The following RTN1 variants were observed in gnomAD, a reference collection of about 807,000 sequenced individuals.
RTN1 encodes the protein reticulon-1.
RTN1 carries 25 observed loss-of-function variants against 65.5 expected under a neutral mutation model. That is an observed-to-expected ratio of 0.38 (90% CI 0.28 to 0.53). RTN1 has a LOEUF of 0.53. RTN1 is among the 20% of genes least tolerant of loss of function. The pLI is 0.79. For missense variants in RTN1, 983 were observed against 1,025.4 expected (o/e 0.96, Z 0.57); for synonymous variants, 471 against 447.6 (o/e 1.05, Z -0.66).
chr14:59,805,941 C>T (rs760621882), intron 1 of RTN1, among the ~76,000 whole-genome samples: 9 of 152,040 alleles, frequency 5.9e-5, no homozygotes, highest in Non-Finnish European at 1.2e-4. Flanking sequence ...GAATTGCAAA[C>T]ATAAATAATT....
intron 1 of RTN1, among the ~76,000 whole-genome samples, chr14:59,863,082 T>C (rs554951299): frequency 1.3e-5 from 2 of 152,256 alleles, no homozygotes; most frequent in East Asian, 3.9e-4. Flanking sequence ...GCTGGATCCA[T>C]CCCTGCTTAC....
rs1566713422 is a variant in RTN1 at position 59,750,240 on chromosome 14, T to TATATCTATAATATATTATATATATA, written c.242-3760_242-3759insTATATATATAATATATTATAGATAT. Among the ~76,000 whole-genome samples, 63 of 44,404 alleles carry TATATCTATAATATATTATATATATA rather than the reference T, an allele frequency of 1.4e-3. 6 individuals are homozygous for TATATCTATAATATATTATATATATA. The highest frequency in any genetic ancestry group is 5.3e-3 in the Admixed American group (11 of 2,064). 29.1% of individuals were successfully genotyped at this position (44,404 alleles called of 152,430 possible). ...TATATTATATCTATAATATATATAT[T>TATATCTATAATATATTATATATATA]ATATCTATAATATATAATATATATA... On this transcript the variant is annotated intron_variant, in intron 1 of 8. Coordinates refer to ENST00000267484, the MANE Select transcript of RTN1 (RefSeq NM_021136.3).
intron 1 of RTN1, among the ~76,000 whole-genome samples, chr14:59,841,704 T>TA (rs71451082): frequency 0.051 from 5,158 of 101,654 alleles, 312 homozygotes; most frequent in African/African-American, 0.17. Flanking sequence ...GAGACTCCAT[T>TA]AAAAAAAAAA....
chr14:59,602,610 T>C (rs1395251251), intron 8 of RTN1, among the ~76,000 whole-genome samples: 1 of 152,172 alleles, frequency 6.6e-6, no homozygotes, highest in African/African-American at 2.4e-5. Flanking sequence ...ATTTTATGTA[T>C]TTTAAAGTTC....
chr14:59,703,958 A>G (rs893835350), intron 3 of RTN1, among the ~76,000 whole-genome samples: 1 of 152,198 alleles, frequency 6.6e-6, no homozygotes, highest in Non-Finnish European at 1.5e-5. Context: ...AAGCTCCTGG[A>G]AAAACAAAGG....
intron 1 of RTN1, among the ~76,000 whole-genome samples, chr14:59,775,036 A>G (rs1180313636): frequency 6.6e-6 from 1 of 152,148 alleles, no homozygotes; most frequent in Non-Finnish European, 1.5e-5. Flanking sequence ...ATAAGGTATT[A>G]CCGGGATGTA....
intron 1 of RTN1, among the ~76,000 whole-genome samples, chr14:59,801,873 C>T (rs1294423810): frequency 6.6e-6 from 1 of 152,190 alleles, no homozygotes; most frequent in Admixed American, 6.5e-5. Context: ...ATGTAAAAAT[C>T]TGTGTTCGTG....
At chr14:59,636,698 C>A (rs1401198127) in intron 3 of RTN1, among the ~76,000 whole-genome samples, 1 of 152,146 alleles carries the variant, frequency 6.6e-6, no homozygotes, top group Non-Finnish European at 1.5e-5. Context: ...CTGTTTGAGA[C>A]CACTACAATG....
chr14:59,866,052 T>C (rs1887792799), intron 1 of RTN1, among the ~76,000 whole-genome samples: 1 of 152,122 alleles, frequency 6.6e-6, no homozygotes, highest in Non-Finnish European at 1.5e-5. Flanking sequence ...CTTGTGCCCA[T>C]GGGGTTAGAT....
chr14:59,728,835 C>T (rs967453231), intron 2 of RTN1, among the ~76,000 whole-genome samples: 3 of 151,894 alleles, frequency 2.0e-5, no homozygotes, highest in Non-Finnish European at 4.4e-5. Flanking sequence ...TGTGTTAGGC[C>T]CTTTTCTACA....
intron 1 of RTN1, among the ~76,000 whole-genome samples, chr14:59,806,271 T>G (rs1214228788): frequency 6.6e-6 from 1 of 151,084 alleles, no homozygotes; most frequent in African/African-American, 2.4e-5. Context: ...ATTATATATA[T>G]TTGACTTAAT....
At chr14:59,736,586 C>T (rs1266784781) in intron 2 of RTN1, among the ~76,000 whole-genome samples, 1 of 152,152 alleles carries the variant, frequency 6.6e-6, no homozygotes, top group South Asian at 2.1e-4. Context: ...CAGCTGAATT[C>T]TACCAGAGGT....
intron 3 of RTN1, among the ~76,000 whole-genome samples, chr14:59,682,289 A>C (rs567718546): frequency 7.2e-5 from 11 of 152,160 alleles, no homozygotes; most frequent in Non-Finnish European, 1.5e-4. Context: ...TCCTTTCCTT[A>C]TGGCATTACT....
chr14:59,819,427 CCCCCA>C lies in RTN1; in HGVS notation c.241+50958_241+50962del, dbSNP rs1886892683. ...CACACCACCACCACCCCCCCCCCAC[CCCCCA>C]CCCCCCCCCCCCGGCCACAGCTAGA... On this transcript the variant is annotated intron_variant, in intron 1 of 8. Transcript: ENST00000267484. Among the ~76,000 whole-genome samples the C allele has an allele frequency of 2.2e-3, 32 of 14,510 alleles. 7 individuals are homozygous for C. Among genetic ancestry groups the C allele is most frequent in the Non-Finnish European group, 5.1e-3 (21 of 4,104 alleles). The allele number at this position is 14,510 out of a possible 152,430, so 9.5% of individuals were successfully genotyped here. A position where few individuals can be genotyped will look rare whatever the true frequency, so the allele number is the denominator to read the frequency against.
chr14:59,805,851 T>C (rs1399913357), intron 1 of RTN1, among the ~76,000 whole-genome samples: 1 of 152,190 alleles, frequency 6.6e-6, no homozygotes, highest in African/African-American at 2.4e-5. Flanking sequence ...AGACTGCCTT[T>C]CATTTTGTTT....
intron 1 of RTN1, among the ~76,000 whole-genome samples, chr14:59,762,604 G>A (rs1885772300): frequency 6.6e-6 from 1 of 152,200 alleles, no homozygotes; most frequent in African/African-American, 2.4e-5. Flanking sequence ...TTAACGGTTT[G>A]TGGCAGGCTT....
intron 3 of RTN1, among the ~76,000 whole-genome samples, chr14:59,668,683 A>AAAATTTTTGC (rs1174839114): frequency 1.3e-5 from 2 of 152,208 alleles, no homozygotes; most frequent in African/African-American, 2.4e-5. Flanking sequence ...AGAATCGGAG[A>AAAATTTTTGC]AAATTTTTGC....
intron 3 of RTN1, among the ~76,000 whole-genome samples, chr14:59,679,428 A>C (rs1427617193): frequency 3.3e-5 from 5 of 152,138 alleles, no homozygotes; most frequent in Non-Finnish European, 5.9e-5. Context: ...TCCAGACTCT[A>C]CCTCTCTCCA....
At chr14:59,865,203 C>T (rs1887777568) in intron 1 of RTN1, among the ~76,000 whole-genome samples, 1 of 152,166 alleles carries the variant, frequency 6.6e-6, no homozygotes, top group African/African-American at 2.4e-5. Flanking sequence ...ATTCTACCAG[C>T]AGTCAGTGTC....
Sources: gnomAD v4.1 joint callset for allele counts (sites outside exome capture counted in the v4.1 genomes callset) on GRCh38, gnomAD v4.1.1 for gene constraint, MANE v1.5 for transcripts, NCBI Gene and HGNC (gene_info 2026-07-23, HGNC 2026-07-21) for gene names.